Variants in MAML2 observed in about 807,000 individuals in gnomAD.
MAML2 encodes the protein mastermind like transcriptional coactivator 2, also known as mastermind-like protein 2.
In MAML2, 22 loss-of-function variants were observed where a neutral mutation model predicts 96.1. The ratio of observed to expected loss-of-function variants is 0.23; its 90% CI spans 0.16 to 0.33. The LOEUF (loss-of-function observed/expected upper bound fraction) is 0.33. MAML2 is among the 10% of genes least tolerant of loss of function. MAML2 has a pLI of 1.00. For synonymous variants in MAML2, 561 were observed against 521.3 expected (o/e 1.08, Z -1.04); for missense variants, 1,367 against 1,392.4 (o/e 0.98, Z 0.29).
At chr11:96,145,336 G>A (rs966679678) in intron 1 of MAML2, among the ~76,000 whole-genome samples, 3 of 152,192 alleles carry the variant, frequency 2.0e-5, no homozygotes, top group Non-Finnish European at 4.4e-5. Flanking sequence ...CTCATTAAAC[G>A]CTCAAGATCC....
At chr11:96,326,384 TG>T (rs11337799) in intron 1 of MAML2, among the ~76,000 whole-genome samples, 3,017 of 150,930 alleles carry the variant, frequency 0.02, 90 homozygotes, top group African/African-American at 0.07. Context: ...TGTGTGTGTG[TG>T]TGCATGTATG....
intron 1 of MAML2, among the ~76,000 whole-genome samples, chr11:96,336,763 C>A (rs1051182645): frequency 1.3e-5 from 2 of 152,142 alleles, no homozygotes; most frequent in Non-Finnish European, 2.9e-5. Context: ...ATTATGGCCA[C>A]TCTTTTAGTC....
chr11:96,262,026 T>C (rs527471261), intron 1 of MAML2, among the ~76,000 whole-genome samples: 2 of 152,368 alleles, frequency 1.3e-5, no homozygotes, highest in South Asian at 4.1e-4. Context: ...TTTTAAAAGA[T>C]GTCCTGAAGT....
chr11:96,109,010 TTGAG>T (rs1860074520), intron 1 of MAML2, among the ~76,000 whole-genome samples: 1 of 140,382 alleles, frequency 7.1e-6, no homozygotes, highest in Non-Finnish European at 1.6e-5. Flanking sequence ...GGGCAACAGT[TTGAG>T]TGTTTCAAAA....
chr11:96,307,210 G>A (rs1863475944), intron 1 of MAML2, among the ~76,000 whole-genome samples: 1 of 152,146 alleles, frequency 6.6e-6, no homozygotes, highest in Non-Finnish European at 1.5e-5. Flanking sequence ...TAACAGCAAA[G>A]GATATCATTG....
chr11:96,064,558 C>T (rs1464057048), intron 2 of MAML2, among the ~76,000 whole-genome samples: 1 of 152,222 alleles, frequency 6.6e-6, no homozygotes, highest in Admixed American at 6.5e-5. Flanking sequence ...AGCTATGCAT[C>T]TTTGGCAAAT....
At chr11:96,024,722 T>C (rs1280823545) in intron 2 of MAML2, among the ~76,000 whole-genome samples, 2 of 152,200 alleles carry the variant, frequency 1.3e-5, no homozygotes, top group Non-Finnish European at 2.9e-5. Flanking sequence ...CCATTCACCT[T>C]ACAGAACTTC....
chr11:96,074,625 T>G (rs1859404858), intron 2 of MAML2, among the ~76,000 whole-genome samples: 2 of 152,342 alleles, frequency 1.3e-5, no homozygotes, highest in South Asian at 4.1e-4. Flanking sequence ...TGCATTTGGA[T>G]TCTATATTGT....
chr11:96,067,582 C>G (rs899641956), intron 2 of MAML2, among the ~76,000 whole-genome samples: 3 of 73,548 alleles, frequency 4.1e-5, no homozygotes, highest in African/African-American at 1.3e-4. Context: ...GAAATTATAT[C>G]CCATTTGGTT....
chr11:95,999,481 GTT>G (rs35223400), intron 2 of MAML2, among the ~76,000 whole-genome samples: 33,329 of 151,064 alleles, frequency 0.22, 4,212 homozygotes, highest in Non-Finnish European at 0.3. Context: ...GATTCAGTCA[GTT>G]TTATAGTTAA....
At chr11:96,071,982 A>G (rs16923029) in intron 2 of MAML2, among the ~76,000 whole-genome samples, 2,265 of 152,348 alleles carry the variant, frequency 0.015, 68 homozygotes, top group African/African-American at 0.052. Context: ...TGTTGAGCCA[A>G]ATATACCATA....
chr11:96,172,135 G>A (rs1266491973), intron 1 of MAML2, among the ~76,000 whole-genome samples: 1 of 152,206 alleles, frequency 6.6e-6, no homozygotes, highest in African/African-American at 2.4e-5. Flanking sequence ...TATCCAAAAA[G>A]TTTAGACCTC....
intron 1 of MAML2, among the ~76,000 whole-genome samples, chr11:96,101,372 G>A (rs1245443070): frequency 6.6e-6 from 1 of 152,212 alleles, no homozygotes; most frequent in African/African-American, 2.4e-5. Flanking sequence ...AATGTTCCAA[G>A]TTTATCTTTA....
intron 1 of MAML2, among the ~76,000 whole-genome samples, chr11:96,225,715 C>T (rs916784350): frequency 2.6e-5 from 4 of 152,048 alleles, no homozygotes; most frequent in African/African-American, 9.7e-5. Context: ...TACCTGTAGT[C>T]CCAGCTACTT....
chr11:96,310,124 T>C (rs1863517756), intron 1 of MAML2, among the ~76,000 whole-genome samples: 1 of 152,210 alleles, frequency 6.6e-6, no homozygotes, highest in Non-Finnish European at 1.5e-5. Context: ...CAGTTTATAC[T>C]GTGATTACGT....
intron 1 of MAML2, among the ~76,000 whole-genome samples, chr11:96,123,137 C>T (rs983399518): frequency 6.6e-6 from 1 of 152,168 alleles, no homozygotes; most frequent in African/African-American, 2.4e-5. Context: ...TGTCTTACTG[C>T]CCCCACTGCT....
intron 2 of MAML2, among the ~76,000 whole-genome samples, chr11:96,072,839 G>T (rs1025503594): frequency 6.6e-6 from 1 of 152,154 alleles, no homozygotes; most frequent in Admixed American, 6.6e-5. Flanking sequence ...AGGCAAATCC[G>T]CAAGTCTCCC....
At chr11:96,163,506 A>G (rs1283421930) in intron 1 of MAML2, among the ~76,000 whole-genome samples, 2 of 152,240 alleles carry the variant, frequency 1.3e-5, no homozygotes, top group Admixed American at 6.5e-5. Context: ...TTCAAATGAG[A>G]AAACTGAAGC....
At chr11:96,264,900 C>A (rs1212378543) in intron 1 of MAML2, among the ~76,000 whole-genome samples, 1 of 152,178 alleles carries the variant, frequency 6.6e-6, no homozygotes, top group African/African-American at 2.4e-5. Context: ...CCTAGATATG[C>A]CTTTCTTCAG....
Sources: gnomAD v4.1 joint callset for allele counts (sites outside exome capture counted in the v4.1 genomes callset) on GRCh38, gnomAD v4.1.1 for gene constraint, MANE v1.5 for transcripts, NCBI Gene and HGNC (gene_info 2026-07-23, HGNC 2026-07-21) for gene names.